Variants in DAPK1 observed in about 807,000 individuals in gnomAD.
The protein encoded by DAPK1 is death-associated protein kinase 1.
In DAPK1, 56 loss-of-function variants were observed where a neutral mutation model predicts 144.9. That is an observed-to-expected ratio of 0.39 (90% CI 0.31 to 0.48). The LOEUF (loss-of-function observed/expected upper bound fraction) is 0.48, where lower values mean the gene tolerates loss of function less well. Ranked by LOEUF, DAPK1 falls within the 20% of genes least tolerant of loss-of-function variation. DAPK1 has a pLI of 0.95. For synonymous variants in DAPK1, 690 were observed against 749.0 expected (o/e 0.92, Z 1.29); for missense variants, 1,454 against 1,875.4 (o/e 0.78, Z 4.15).
intron 8 of DAPK1, 92 bp downstream of exon 8, chr9:87,640,542 A>G: frequency 1.4e-6 from 2 of 1,402,448 alleles, no homozygotes; most frequent in Non-Finnish European, 2.0e-6. Context: ...CGTTCCTCAG[A>G]CCCTGCTTGC....
At chr9:87,549,012 A>G (rs1338494305) in intron 2 of DAPK1, among the ~76,000 whole-genome samples, 2 of 134,528 alleles carry the variant, frequency 1.5e-5, no homozygotes, top group South Asian at 4.7e-4. Flanking sequence ...AATGTGTGCC[A>G]TGGTGGTTTG....
In DAPK1 at chr9:87,619,049, C is replaced by A. The variant is rs115124788; in HGVS notation, c.284+13874C>A. On this transcript the variant is annotated intron_variant, in intron 3 of 25. Transcript: ENST00000408954. Reference sequence around the variant, plus strand: ...ATATTCATCCATGTCTCTTCCACCCCACTTTGCCTCTGCCCTGATGCTCCA... The same window carrying A: ...ATATTCATCCATGTCTCTTCCACCCAACTTTGCCTCTGCCCTGATGCTCCA... Among the ~76,000 whole-genome samples, 938 of 152,190 alleles carry A rather than the reference C, an allele frequency of 6.2e-3. 4 individuals are homozygous for A. Among genetic ancestry groups the A allele is most frequent in the African/African-American group, 0.022 (893 of 41,496 alleles).
At chr9:87,704,693 G>C (rs946351294) in intron 25 of DAPK1, among the ~76,000 whole-genome samples, 1 of 152,220 alleles carries the variant, frequency 6.6e-6, no homozygotes, top group Admixed American at 6.5e-5. Flanking sequence ...TCCAGCAAAT[G>C]CTGTATCAGG....
At chr9:87,550,615 T>G (rs1826441420) in intron 2 of DAPK1, among the ~76,000 whole-genome samples, 1 of 152,238 alleles carries the variant, frequency 6.6e-6, no homozygotes, top group African/African-American at 2.4e-5. Context: ...GGATGAACCC[T>G]TCTTAACTAA....
At chr9:87,561,014 A>G (rs1046232925) in intron 2 of DAPK1, among the ~76,000 whole-genome samples, 5 of 152,188 alleles carry the variant, frequency 3.3e-5, no homozygotes, top group African/African-American at 1.2e-4. Flanking sequence ...TTATGTGTAT[A>G]AATCTCATGT....
chr9:87,540,875 C>A (rs1022636449), intron 2 of DAPK1, among the ~76,000 whole-genome samples: 1 of 152,154 alleles, frequency 6.6e-6, no homozygotes, highest in Non-Finnish European at 1.5e-5. Context: ...AATTAGCCAA[C>A]TCACACCAAA....
At chr9:87,668,730 C>T (rs1194809689) in intron 19 of DAPK1, 56 bp downstream of exon 19, 1 of 891,074 alleles carries the variant, frequency 1.1e-6, no homozygotes, top group Non-Finnish European at 1.9e-6. Context: ...GTGAAAAAGT[C>T]TCAGTCTTTT....
At chr9:87,615,656 G>A (rs1400461826) in intron 3 of DAPK1, among the ~76,000 whole-genome samples, 4 of 152,240 alleles carry the variant, frequency 2.6e-5, no homozygotes, top group East Asian at 1.9e-4. Flanking sequence ...AAACAACTGA[G>A]TGGCTTTCCT....
At chr9:87,649,860 C>A in intron 15 of DAPK1, 61 bp from the exon 16 acceptor site, 1 of 1,564,732 alleles carries the variant, frequency 6.4e-7, no homozygotes, top group Non-Finnish European at 8.8e-7. Context: ...TCTCACCTTG[C>A]TTTATACTTT....
intron 2 of DAPK1, chr9:87,525,433 C>A (rs1243620732): frequency 6.2e-7 from 1 of 1,610,500 alleles, no homozygotes; most frequent in East Asian, 2.2e-5. Context: ...GCCAGTGTTT[C>A]CGTCAGTACG....
At chr9:87,501,309 A>C (rs1191630420) in intron 2 of DAPK1, among the ~76,000 whole-genome samples, 1 of 152,240 alleles carries the variant, frequency 6.6e-6, no homozygotes, top group East Asian at 1.9e-4. Context: ...TCACGAGGTC[A>C]GGAGTTCAAG....
chr9:87,601,280 C>A (rs1828505089), intron 2 of DAPK1, among the ~76,000 whole-genome samples: 2 of 152,238 alleles, frequency 1.3e-5, no homozygotes, highest in Non-Finnish European at 2.9e-5. Context: ...AAATGCCCTA[C>A]AGGCTTACCC....
chr9:87,651,875 G>C (rs890316752), intron 17 of DAPK1, 151 bp downstream of exon 17: 1 of 627,930 alleles, frequency 1.6e-6, no homozygotes, highest in East Asian at 2.8e-5. Flanking sequence ...CCTCCCACCT[G>C]ATCCCGGGTC....
At chr9:87,511,200 G>A (rs1824827799) in intron 2 of DAPK1, among the ~76,000 whole-genome samples, 1 of 152,098 alleles carries the variant, frequency 6.6e-6, no homozygotes, top group African/African-American at 2.4e-5. Context: ...GCCTTTGCTT[G>A]TCTGTTCCAT....
chr9:87,634,471 A>AG (rs1174038451), intron 3 of DAPK1, among the ~76,000 whole-genome samples: 1 of 152,126 alleles, frequency 6.6e-6, no homozygotes, highest in Non-Finnish European at 1.5e-5. Context: ...GGGCTTCAGG[A>AG]GGTGGGACCT....
Position 87,686,592 on chromosome 9 carries a change from G to A in DAPK1, c.2266G>A (p.Val756Met), listed in dbSNP as rs1358422658. The A allele has an allele frequency of 3.8e-6, 6 of 1,597,666 alleles. No individual in the cohort carries two copies. Among genetic ancestry groups the A allele is most frequent in the East Asian group, 4.5e-5 (2 of 44,322 alleles). Reference protein sequence around the residue: ...INNLYPGCENVSVRSRSMMFE... With the variant: ...INNLYPGCENMSVRSRSMMFE... ...CAACCTGTACCCAGGCTGCGAGAACGTGAGTGTGAGGAGCCGCAGCATGAT... is the reference window on the plus strand; with the variant it reads ...CAACCTGTACCCAGGCTGCGAGAACATGAGTGTGAGGAGCCGCAGCATGAT... Residue 756 changes from valine (V) to methionine (M), a missense_variant, in exon 21 of 26, where the codon GTG becomes ATG. This residue lies in a region of DAPK1 where 1,025 missense variants were observed against 1,237.9 expected (regional missense o/e 0.83). Transcript: ENST00000408954. This position sits in a 1 kb window ranked among gnomAD's most constrained non-coding sequence, Gnocchi z 4.2.
intron 2 of DAPK1, among the ~76,000 whole-genome samples, chr9:87,502,762 A>T (rs1434810011): frequency 6.6e-6 from 1 of 152,146 alleles, no homozygotes; most frequent in African/African-American, 2.4e-5. Flanking sequence ...GCCCAGTGAC[A>T]TGTTTATCCT....
At chr9:87,657,870 T>C (rs1017899114) in intron 17 of DAPK1, 159 bp from the exon 18 acceptor site, 28 of 641,308 alleles carry the variant, frequency 4.4e-5, no homozygotes, top group Non-Finnish European at 7.3e-5. Context: ...TCTGCCTGGC[T>C]GGCCTGCCCC....
intron 2 of DAPK1, among the ~76,000 whole-genome samples, chr9:87,581,979 C>G (rs777180149): frequency 6.6e-6 from 1 of 152,106 alleles, no homozygotes; most frequent in Non-Finnish European, 1.5e-5. Flanking sequence ...GAGTTTGGTG[C>G]TCTACAAAAA....
Sources: allele counts gnomAD v4.1 joint callset (sites outside exome capture counted in the v4.1 genomes callset), GRCh38; gene constraint gnomAD v4.1.1; regional missense constraint gnomAD v4.1.1; non-coding constraint Gnocchi (gnomAD v3.1); transcripts MANE v1.5; gene names NCBI Gene and HGNC (gene_info 2026-07-23, HGNC 2026-07-21).